METTL4: variants seen among roughly 807,000 people sequenced by gnomAD.
METTL4 encodes the protein methyltransferase 4, N6-adenosine.
In METTL4, 40 loss-of-function variants were observed where a neutral mutation model predicts 54.0. The ratio of observed to expected loss-of-function variants is 0.74; its 90% confidence interval spans 0.58 to 0.96. METTL4 has a LOEUF of 0.96. METTL4 is among the 50% of genes least tolerant of loss of function. METTL4 has a pLI of 0.00. For synonymous variants in METTL4, 169 were observed against 183.8 expected (o/e 0.92, Z 0.65); for missense variants, 525 against 549.0 (o/e 0.96, Z 0.44).
chr18:2,549,685 T>C (rs1384452096), intron 5 of METTL4, among the ~76,000 whole-genome samples: 1 of 151,884 alleles, frequency 6.6e-6, no homozygotes, highest in African/African-American at 2.4e-5. Context: ...AATAAGTATT[T>C]CTTAAAACAA....
rs2072427992 is a variant in METTL4, at chr18:2,566,946, C to G, written c.271G>C (p.Glu91Gln). ...MFTRKFVFRP[E>Q]LFDVTKPYIT... ...TAAGGTTTGGTGACATCAAACAGTT[C>G]AGGTCGAAAAACAAATTTTCGTGTG... Residue 91 changes from glutamate (E) to glutamine (Q), a missense_variant, in exon 2 of 9, where the codon GAA becomes CAA. Coordinates refer to ENST00000574538, the MANE Select transcript of METTL4 (RefSeq NM_022840.5). The G allele has an allele frequency of 1.9e-6, 3 of 1,613,966 alleles. No individual in the cohort carries two copies. The highest frequency in any genetic ancestry group is 2.2e-5 in the South Asian group (2 of 91,052).
At chr18:2,540,104 T>C in intron 8 of METTL4, 2 of 980,552 alleles carry the variant, frequency 2.0e-6, no homozygotes, top group Non-Finnish European at 2.4e-6. Flanking sequence ...TAATAACTAC[T>C]GAACATTGTA....
intron 8 of METTL4, among the ~76,000 whole-genome samples, chr18:2,543,264 G>A (rs1598341817): frequency 6.6e-6 from 1 of 152,102 alleles, no homozygotes; most frequent in African/African-American, 2.4e-5. Context: ...ATTCTGCAAG[G>A]TAACATAAGC....
chr18:2,539,737 C>G, intron 8 of METTL4: 1 of 707,514 alleles, frequency 1.4e-6, no homozygotes, highest in Non-Finnish European at 1.7e-6. Context: ...TCGCCTCGGC[C>G]TCCCAAAGTG....
At chr18:2,565,087 A>C (rs1410720564) in intron 2 of METTL4, among the ~76,000 whole-genome samples, 2 of 152,164 alleles carry the variant, frequency 1.3e-5, no homozygotes, top group African/African-American at 4.8e-5. Context: ...CAGGAGTTCA[A>C]GACCAGCTTG....
chr18:2,566,944 T>C lies in METTL4; in HGVS notation c.273A>G (p.Glu91=), dbSNP rs768862945. The change falls in exon 2 of 9, where the codon GAA becomes GAG. Residue 91 remains glutamate, a synonymous_variant. Transcript: ENST00000574538. Reference sequence around the variant, plus strand: ...TATAAGGTTTGGTGACATCAAACAGTTCAGGTCGAAAAACAAATTTTCGTG... The same window carrying C: ...TATAAGGTTTGGTGACATCAAACAGCTCAGGTCGAAAAACAAATTTTCGTG... The part of the protein sequence containing the change: ...MFTRKFVFRP[E]LFDVTKPYIT... 1.2e-6 allele frequency: 2 copies of C among 1,614,160 alleles called. No individual in the cohort carries two copies. The highest frequency in any genetic ancestry group is 2.2e-5 in the South Asian group (2 of 91,076).
intron 2 of METTL4, among the ~76,000 whole-genome samples, chr18:2,564,302 T>A (rs2143583021): frequency 1.3e-5 from 2 of 151,130 alleles, no homozygotes; most frequent in Middle Eastern, 7.1e-3. Context: ...TCCCAGCTAC[T>A]TGGGAGGCTG....
At chr18:2,552,564 T>C in intron 5 of METTL4, 131 bp downstream of exon 5, 2 of 643,950 alleles carry the variant, frequency 3.1e-6, no homozygotes, top group Non-Finnish European at 5.4e-6. Flanking sequence ...AATTAAGCTG[T>C]TAAAACTATT....
rs182180561 is a variant in METTL4, at chr18:2,544,093, G to A, written c.1273+102C>T. The A allele has an allele frequency of 4.2e-4, 327 of 781,370 alleles. 2 individuals are homozygous for A. In the East Asian group the frequency reaches 8.4e-3, roughly 20 times the overall value. The allele number at this position is 781,370 out of a possible 1,614,324, so 48.4% of individuals were successfully genotyped here. ...TTTAGAATATTCATTAACAACCTACGTCTGACTTAATTTCCGAATCTGTAG... is the reference window on the plus strand; with the variant it reads ...TTTAGAATATTCATTAACAACCTACATCTGACTTAATTTCCGAATCTGTAG... On this transcript the variant is annotated intron_variant, in intron 8 of 8. Transcript: ENST00000574538.
intron 3 of METTL4, chr18:2,561,336 A>G (rs957247648): frequency 1.3e-5 from 2 of 152,240 alleles, no homozygotes; most frequent in African/African-American, 4.8e-5. Flanking sequence ...AAGAGATACA[A>G]CAACAAAAAA....
At chr18:2,541,457 T>G (rs1330528443) in intron 8 of METTL4, among the ~76,000 whole-genome samples, 1 of 152,160 alleles carries the variant, frequency 6.6e-6, no homozygotes, top group Admixed American at 6.5e-5. Context: ...TAAACTTCAC[T>G]CTTCAGATGG....
In METTL4 at chr18:2,544,686, C is replaced by G. The variant is rs1423890710; in HGVS notation, c.1148G>C (p.Gly383Ala). Residue 383 changes from glycine (G) to alanine (A), a missense_variant, in exon 7 of 9, where the codon GGG becomes GCG. Coordinates refer to ENST00000574538, the MANE Select transcript of METTL4 (RefSeq NM_022840.5). Reference sequence around the variant, plus strand: ...TAGAGCAGTTTTTTCTTGAACCCTCCCCAGTATAAGACCTTCGTAGGGCTT... The same window carrying G: ...TAGAGCAGTTTTTTCTTGAACCCTCGCCAGTATAAGACCTTCGTAGGGCTT... Reference protein sequence around the residue: ...HKKPYEGLILGRVQEKTALPL... With the variant: ...HKKPYEGLILARVQEKTALPL... 2 of 1,612,242 alleles carry G rather than the reference C, an allele frequency of 1.2e-6. No homozygotes were observed. The highest frequency in any genetic ancestry group is 2.2e-5 in the East Asian group (1 of 44,746).
Position 2,547,442 on chromosome 18 carries a change from G to A in METTL4, c.987C>T (p.Thr329=). 1.2e-6 allele frequency: 2 copies of A among 1,611,978 alleles called. No individual in the cohort carries two copies. The highest frequency in any genetic ancestry group is 1.1e-5 in the South Asian group (1 of 90,854). ...APNCLLVTWV[T]NRQKHLRFIK... ...TAAAACGTAGGTGCTTCTGTCTATT[G>A]GTCACCCAAGTAACAAGAAGACAGT... The change falls in exon 6 of 9, where the codon ACC becomes ACT. Residue 329 remains threonine, a synonymous_variant. Coordinates refer to ENST00000574538, the MANE Select transcript of METTL4 (RefSeq NM_022840.5).
At chr18:2,551,463 A>T (rs2072159420) in intron 5 of METTL4, among the ~76,000 whole-genome samples, 3 of 152,078 alleles carry the variant, frequency 2.0e-5, no homozygotes. Context: ...AGCACTATGG[A>T]GGCTGAGGCA....
At position 2,554,851 on chromosome 18, in the gene METTL4, T is replaced by TGTTCC. The variant is rs749803550; in HGVS notation, c.642_646dup (p.His216ArgfsTer34). The TGTTCC allele has an allele frequency of 3.1e-6, 5 of 1,613,964 alleles. No homozygotes were observed. The East Asian group carries it at 1.1e-4, about 36-fold the overall frequency. On this transcript the variant is annotated frameshift_variant, in exon 4 of 9. Transcript: ENST00000574538. LOFTEE classifies it high-confidence loss of function. Reference sequence around the variant, plus strand: ...CTCTTCCACCAATTGTAATGTCTGATGTTCCATTTCATTCAGAGAAGGCAA... The same window carrying TGTTCC: ...CTCTTCCACCAATTGTAATGTCTGATGTTCCGTTCCATTTCATTCAGAGAAGGCAA...
intron 5 of METTL4, among the ~76,000 whole-genome samples, chr18:2,550,992 G>A (rs1317756106): frequency 1.3e-5 from 2 of 151,180 alleles, no homozygotes; most frequent in South Asian, 4.2e-4. Flanking sequence ...GTGAAACCCC[G>A]TCTCTACTAA....
chr18:2,559,755 CGAG>C (rs1372820025), intron 3 of METTL4, among the ~76,000 whole-genome samples: 4 of 151,860 alleles, frequency 2.6e-5, no homozygotes, highest in African/African-American at 7.3e-5. Flanking sequence ...TTTATTTTTT[CGAG>C]AGGGAGTCTC....
chr18:2,539,851 T>TAAA (rs35086373), intron 8 of METTL4: 4,492 of 821,468 alleles, frequency 5.5e-3, no homozygotes, highest in South Asian at 6.9e-3. Flanking sequence ...ACAACCCATT[T>TAAA]AAAAAAAAAA....
chr18:2,547,209 A>C (rs1330149302), intron 6 of METTL4, 146 bp downstream of exon 6: 2 of 524,838 alleles, frequency 3.8e-6, no homozygotes, highest in Non-Finnish European at 6.0e-6. Flanking sequence ...ATAAAAATAT[A>C]AAAGTGGTAA....
Sources: allele counts gnomAD v4.1 joint callset (sites outside exome capture counted in the v4.1 genomes callset), GRCh38; gene constraint gnomAD v4.1.1; transcripts MANE v1.5; gene names NCBI Gene and HGNC (gene_info 2026-07-23, HGNC 2026-07-21).